MFHAS1: variants seen among roughly 807,000 people sequenced by gnomAD.
MFHAS1 encodes the protein malignant fibrous histiocytoma-amplified sequence 1.
A neutral mutation model predicts 70.4 loss-of-function variants in MFHAS1; 50 were observed. That is an observed-to-expected ratio of 0.71 (90% CI 0.57 to 0.90). The LOEUF is 0.90. MFHAS1 is among the 40% of genes least tolerant of loss of function. MFHAS1 has a pLI of 0.00. For synonymous variants in MFHAS1, 952 were observed against 620.0 expected, an observed-to-expected ratio of 1.54 and a Z score of -7.96; for missense variants, 1,795 against 1,347.6, an observed-to-expected ratio of 1.33 and a Z score of -5.20.
intron 2 of MFHAS1, among the ~76,000 whole-genome samples, chr8:8,790,717 C>T (rs1199794244): frequency 2.0e-5 from 3 of 152,158 alleles, no homozygotes; most frequent in East Asian, 1.9e-4. Flanking sequence ...ATTCATATCA[C>T]GCCACTGCTT....
intron 1 of MFHAS1, among the ~76,000 whole-genome samples, chr8:8,874,720 T>C (rs1016905442): frequency 5.3e-5 from 8 of 152,138 alleles, no homozygotes; most frequent in African/African-American, 1.7e-4. Context: ...ATGAGGTTTT[T>C]TTAAGCTCTA....
chr8:8,824,419 ATGGCC>A (rs1413916584), intron 1 of MFHAS1, among the ~76,000 whole-genome samples: 56 of 152,130 alleles, frequency 3.7e-4, no homozygotes, highest in African/African-American at 1.3e-3. Flanking sequence ...TCTCCCTTAA[ATGGCC>A]TGGAACACTG....
At chr8:8,839,959 A>G (rs991225257) in intron 1 of MFHAS1, among the ~76,000 whole-genome samples, 1 of 152,220 alleles carries the variant, frequency 6.6e-6, no homozygotes, top group Non-Finnish European at 1.5e-5. Flanking sequence ...GAAAAAAAAG[A>G]TACAAACCCA....
rs1810120769 is a variant in MFHAS1, at chr8:8,892,697, T to C, written c.362A>G (p.Asn121Ser). 1 of 1,580,940 alleles carries C rather than the reference T, an allele frequency of 6.3e-7. No homozygotes were observed. The highest frequency in any genetic ancestry group is 8.6e-7 in the Non-Finnish European group (1 of 1,163,758). The change falls in exon 1 of 3, where the codon AAC becomes AGC. Residue 121 changes from asparagine to serine, a missense_variant. Physicochemically the swap from Asn to Ser is conservative, Grantham distance 46. Coordinates refer to ENST00000276282, the MANE Select transcript of MFHAS1 (RefSeq NM_004225.3). This position sits in a 1 kb window ranked among gnomAD's most constrained non-coding sequence, Gnocchi z 4.7. Reference sequence around the variant, plus strand: ...CTCCGCGCCCAGGGCGGTCAGCCGGTTGTGGCTCACGTCCAGCTCGGTGAG... The same window carrying C: ...CTCCGCGCCCAGGGCGGTCAGCCGGCTGTGGCTCACGTCCAGCTCGGTGAG... ...HHLTELDVSHNRLTALGAEVV... is the reference protein window; with the variant it reads ...HHLTELDVSHSRLTALGAEVV...
At chr8:8,857,105 G>C (rs952982302) in intron 1 of MFHAS1, among the ~76,000 whole-genome samples, 1 of 150,298 alleles carries the variant, frequency 6.7e-6, no homozygotes, top group African/African-American at 2.4e-5. Context: ...ATTCTAAAAA[G>C]AGTCTTAGAA....
chr8:8,853,549 A>G (rs1439940209), intron 1 of MFHAS1, among the ~76,000 whole-genome samples: 1 of 151,746 alleles, frequency 6.6e-6, no homozygotes, highest in Non-Finnish European at 1.5e-5. Context: ...TGTGGGTACA[A>G]CCATTAGGTC....
intron 1 of MFHAS1, among the ~76,000 whole-genome samples, chr8:8,798,626 C>T (rs1263129273): frequency 1.3e-5 from 2 of 152,176 alleles, no homozygotes; most frequent in Non-Finnish European, 2.9e-5. Flanking sequence ...TGTGAGCCAC[C>T]ATGTCTGGCT....
intron 1 of MFHAS1, among the ~76,000 whole-genome samples, chr8:8,834,717 T>C (rs574310490): frequency 2.6e-5 from 4 of 152,326 alleles, no homozygotes; most frequent in African/African-American, 7.2e-5. Context: ...AGTATCCCCA[T>C]CATTAAGGGA....
At chr8:8,816,965 C>G (rs1012066123) in intron 1 of MFHAS1, among the ~76,000 whole-genome samples, 1 of 152,204 alleles carries the variant, frequency 6.6e-6, no homozygotes, top group Non-Finnish European at 1.5e-5. Flanking sequence ...GACTCCCTAC[C>G]TGTTTACAAG....
At chr8:8,841,571 C>T (rs2116854374) in intron 1 of MFHAS1, among the ~76,000 whole-genome samples, 1 of 152,286 alleles carries the variant, frequency 6.6e-6, no homozygotes, top group South Asian at 2.1e-4. Flanking sequence ...TGTAAGAGGC[C>T]TTGTGAGCTG....
chr8:8,892,261 G>A lies in MFHAS1; in HGVS notation c.798C>T (p.Pro266=), dbSNP rs754793617. The change falls in exon 1 of 3, where the codon CCC becomes CCT. Residue 266 remains proline (P), a synonymous_variant. Transcript: ENST00000276282. This position sits in a 1 kb window ranked among gnomAD's most constrained non-coding sequence, Gnocchi z 4.7. ...GCCGCTGCAGGCAGCTGAACTGGGC[G>A]GGCAGAGCCTGCAGCCCGTTGTTGT... ...MLDNNGLQAL[P]AQFSCLQRLK... is the part of the protein sequence containing the mutation. 2.5e-6 allele frequency: 4 copies of A among 1,612,076 alleles called. No individual in the cohort carries two copies. Among genetic ancestry groups the A allele is most frequent in the East Asian group, 2.2e-5 (1 of 44,886 alleles).
intron 2 of MFHAS1, among the ~76,000 whole-genome samples, chr8:8,793,739 G>C (rs1805796145): frequency 6.6e-6 from 1 of 152,226 alleles, no homozygotes; most frequent in African/African-American, 2.4e-5. Flanking sequence ...GGCCCCACTG[G>C]CCAGGGAACC....
At chr8:8,870,290 C>CAAAA (rs61229252) in intron 1 of MFHAS1, among the ~76,000 whole-genome samples, 8 of 113,092 alleles carry the variant, frequency 7.1e-5, no homozygotes, top group Admixed American at 8.1e-5. Flanking sequence ...CCTGTCTCTA[C>CAAAA]AAAAAAAAAA....
At position 8,784,056 on chromosome 8, in the gene MFHAS1, A is replaced by T. The variant is rs1281080759; in HGVS notation, c.*1966T>A. The T allele has an allele frequency of 1.3e-5, 2 of 152,212 alleles. No homozygotes were observed. The highest frequency in any genetic ancestry group is 2.9e-5 in the Non-Finnish European group (2 of 68,036). 9.4% of individuals were successfully genotyped at this position (152,212 alleles called of 1,614,324 possible). A position where few individuals can be genotyped will look rare whatever the true frequency, so the allele number is the denominator to read the frequency against. Reference sequence around the variant, plus strand: ...GAATGTGGGCGTTTATGTTCGTAACAGCAAATACTTTGTAGGGTGTGTCAC... The same window carrying T: ...GAATGTGGGCGTTTATGTTCGTAACTGCAAATACTTTGTAGGGTGTGTCAC... On this transcript the variant is annotated 3_prime_UTR_variant, in exon 3 of 3. Transcript: ENST00000276282.
intron 1 of MFHAS1, among the ~76,000 whole-genome samples, chr8:8,839,596 C>T (rs975123432): frequency 6.6e-6 from 1 of 152,326 alleles, no homozygotes; most frequent in African/African-American, 2.4e-5. Context: ...CCTTCCTCAT[C>T]TCATAAGCTT....
In MFHAS1 at chr8:8,891,748, G is replaced by T. The variant is rs751374450; in HGVS notation, c.1311C>A (p.Cys437Ter). The change falls in exon 1 of 3, where the codon TGC becomes TGA. Residue 437 changes from cysteine to a stop codon, truncating the protein, a stop_gained. Transcript: ENST00000276282. LOFTEE classifies it high-confidence loss of function. The surrounding 1 kb of genome is among the most constrained non-coding windows in gnomAD (Gnocchi z 5.4). ...ACTTCTCCTTGTCCCCTCCTCCTGG[G>T]CATCCCTCCACTCTCTCCTCGGTGA... ...HCLTEERVEG[C>*]PGGGDKEKCY... 6.2e-7 allele frequency: 1 copy of T among 1,613,342 alleles called. No homozygotes were observed. The highest frequency in any genetic ancestry group is 1.7e-5 in the Admixed American group (1 of 60,028).
At chr8:8,821,517 T>C (rs1806956109) in intron 1 of MFHAS1, among the ~76,000 whole-genome samples, 1 of 152,226 alleles carries the variant, frequency 6.6e-6, no homozygotes, top group Non-Finnish European at 1.5e-5. Flanking sequence ...AAAATACCAG[T>C]CAATCATCAC....
chr8:8,858,552 A>T (rs1033853585), intron 1 of MFHAS1, among the ~76,000 whole-genome samples: 6 of 152,186 alleles, frequency 3.9e-5, no homozygotes, highest in Admixed American at 3.9e-4. Context: ...TTACAACTAT[A>T]TTAAAAATAT....
intron 1 of MFHAS1, among the ~76,000 whole-genome samples, chr8:8,838,331 T>C (rs902167954): frequency 6.6e-6 from 1 of 152,190 alleles, no homozygotes; most frequent in South Asian, 2.1e-4. Flanking sequence ...ATTGTGGTGG[T>C]AGATACCTAA....
Sources: allele counts gnomAD v4.1 joint callset (sites outside exome capture counted in the v4.1 genomes callset), GRCh38; gene constraint gnomAD v4.1.1; non-coding constraint Gnocchi (gnomAD v3.1); transcripts MANE v1.5; gene names NCBI Gene and HGNC (gene_info 2026-07-23, HGNC 2026-07-21).